Variants in CACHD1 observed in about 807,000 individuals in gnomAD.
CACHD1 encodes cache domain containing 1.
Under a neutral mutation model 138.7 loss-of-function variants are expected in CACHD1, and 71 were observed. The observed-to-expected ratio is 0.51, with a 90% confidence interval of 0.42 to 0.62. The LOEUF is 0.62. Among genes scored for constraint, CACHD1 ranks in the 20% least tolerant of loss-of-function variants. The pLI, the probability that CACHD1 is intolerant of heterozygous loss-of-function variation, is 0.00. For missense variants in CACHD1, 1,389 were observed against 1,625.3 expected, an observed-to-expected ratio of 0.85 and a Z score of 2.50; for synonymous variants, 578 against 591.5, an observed-to-expected ratio of 0.98 and a Z score of 0.33.
intron 2 of CACHD1, among the ~76,000 whole-genome samples, chr1:64,566,579 C>T (rs537630740): frequency 1.4e-5 from 2 of 143,702 alleles, no homozygotes; most frequent in East Asian, 4.5e-4. Flanking sequence ...AGCAATTCCT[C>T]TTATTTGTTT....
At chr1:64,639,221 A>G (rs1648619958) in intron 7 of CACHD1, among the ~76,000 whole-genome samples, 1 of 152,160 alleles carries the variant, frequency 6.6e-6, no homozygotes, top group African/African-American at 2.4e-5. Context: ...CATACCATAG[A>G]TCCTCCTCAT....
At chr1:64,622,679 T>G (rs1647958348) in intron 4 of CACHD1, among the ~76,000 whole-genome samples, 1 of 152,222 alleles carries the variant, frequency 6.6e-6, no homozygotes, top group Admixed American at 6.5e-5. Context: ...CAAGCACACC[T>G]AAATCAATCA....
At chr1:64,547,342 A>G (rs1646725574) in intron 1 of CACHD1, among the ~76,000 whole-genome samples, 1 of 152,148 alleles carries the variant, frequency 6.6e-6, no homozygotes, top group Admixed American at 6.6e-5. Flanking sequence ...GTGCACACAC[A>G]TAAGCCTGAA....
intron 2 of CACHD1, among the ~76,000 whole-genome samples, chr1:64,552,154 T>C (rs1646763766): frequency 6.6e-6 from 1 of 152,058 alleles, no homozygotes; most frequent in Non-Finnish European, 1.5e-5. Context: ...GAAAGTTTTT[T>C]CCCCCCACCC....
intron 4 of CACHD1, among the ~76,000 whole-genome samples, chr1:64,605,550 G>A (rs1172372242): frequency 6.6e-6 from 1 of 152,070 alleles, no homozygotes; most frequent in African/African-American, 2.4e-5. Context: ...TCTGATAATA[G>A]ATCCTAAGTC....
Position 64,470,980 on chromosome 1 carries a change from C to T in CACHD1, c.198+38C>T, listed in dbSNP as rs1166679009. 2 of 1,543,760 alleles carry T rather than the reference C, an allele frequency of 1.3e-6. No homozygotes were observed. The highest frequency in any genetic ancestry group is 1.8e-6 in the Non-Finnish European group (2 of 1,141,912). On this transcript the variant is annotated intron_variant, in intron 1 of 26. Coordinates refer to ENST00000651257, the MANE Select transcript of CACHD1 (RefSeq NM_020925.4). This position sits in a 1 kb window ranked among gnomAD's most constrained non-coding sequence, Gnocchi z 5.2. The stretch of plus-strand genomic sequence containing the variant: ...CGAGCTGGCCAGACATCCCGCCTTT[C>T]TCCTTTGCTCAAACTCCCATCCCAC...
intron 5 of CACHD1, among the ~76,000 whole-genome samples, chr1:64,631,995 G>A (rs1648321504): frequency 6.6e-6 from 1 of 151,988 alleles, no homozygotes; most frequent in African/African-American, 2.4e-5. Context: ...ATGCTCACGG[G>A]TTATAGGCTG....
chr1:64,542,025 G>C (rs756439366), intron 1 of CACHD1, among the ~76,000 whole-genome samples: 1 of 151,958 alleles, frequency 6.6e-6, no homozygotes. Context: ...AGTCTTAAAG[G>C]ATTAACTATA....
chr1:64,620,984 A>G (rs1570424333), intron 4 of CACHD1, among the ~76,000 whole-genome samples: 1 of 152,052 alleles, frequency 6.6e-6, no homozygotes, highest in African/African-American at 2.4e-5. Flanking sequence ...GACCAAATTC[A>G]CCTTCCACTG....
At chr1:64,681,927 C>T in intron 25 of CACHD1, 78 bp from the exon 26 acceptor site, 1 of 1,206,754 alleles carries the variant, frequency 8.3e-7, no homozygotes, top group East Asian at 2.4e-5. Flanking sequence ...TGTAAATGAG[C>T]CCTCTCAGAG....
chr1:64,617,743 G>T, intron 4 of CACHD1, among the ~76,000 whole-genome samples: 1 of 152,180 alleles, frequency 6.6e-6, no homozygotes. Context: ...CAGGGTTTAA[G>T]TCACTCCCTC....
At chr1:64,560,875 A>G (rs1354158297) in intron 2 of CACHD1, among the ~76,000 whole-genome samples, 1 of 152,110 alleles carries the variant, frequency 6.6e-6, no homozygotes, top group Non-Finnish European at 1.5e-5. Context: ...TTATATACAC[A>G]TTTAAGATTA....
At chr1:64,487,694 A>G (rs1339030565) in intron 1 of CACHD1, among the ~76,000 whole-genome samples, 1 of 152,212 alleles carries the variant, frequency 6.6e-6, no homozygotes, top group African/African-American at 2.4e-5. Flanking sequence ...CAAGACAGAC[A>G]TGAAACAAAG....
chr1:64,662,830 T>G (rs896181361), intron 13 of CACHD1, among the ~76,000 whole-genome samples: 7 of 152,232 alleles, frequency 4.6e-5, no homozygotes, highest in Non-Finnish European at 1.0e-4. Flanking sequence ...GAAGCTTTTG[T>G]TTGTGTCAAG....
intron 17 of CACHD1, among the ~76,000 whole-genome samples, chr1:64,672,054 T>C (rs1048234160): frequency 6.6e-6 from 1 of 152,170 alleles, no homozygotes; most frequent in African/African-American, 2.4e-5. Context: ...CCAAAGTCTT[T>C]GTGACATTTT....
At chr1:64,471,077 C>T in intron 1 of CACHD1, 135 bp downstream of exon 1, 2 of 780,604 alleles carry the variant, frequency 2.6e-6, no homozygotes, top group East Asian at 2.9e-5. Context: ...CCGTCGGACC[C>T]CTCTGTCCTC....
chr1:64,659,877 A>C (rs1649386273), intron 13 of CACHD1, among the ~76,000 whole-genome samples: 1 of 152,232 alleles, frequency 6.6e-6, no homozygotes, highest in African/African-American at 2.4e-5. Flanking sequence ...CAGTCTCTAG[A>C]TTCCAAATGA....
At chr1:64,630,552 G>T (rs544661373) in intron 5 of CACHD1, among the ~76,000 whole-genome samples, 34 of 152,232 alleles carry the variant, frequency 2.2e-4, no homozygotes, top group Admixed American at 2.0e-3. Context: ...CCAAAGTGCT[G>T]GGATTACAGG....
chr1:64,673,493 C>T (rs2100722694), intron 19 of CACHD1, 29 bp downstream of exon 19: 3 of 1,497,700 alleles, frequency 2.0e-6, no homozygotes, highest in Non-Finnish European at 2.8e-6. Context: ...TTAACACTCT[C>T]ATTTTTCCAT....
Sources: allele counts gnomAD v4.1 joint callset (sites outside exome capture counted in the v4.1 genomes callset), GRCh38; gene constraint gnomAD v4.1.1; non-coding constraint Gnocchi (gnomAD v3.1); transcripts MANE v1.5; gene names NCBI Gene and HGNC (gene_info 2026-07-23, HGNC 2026-07-21).